The following UGGT2 variants were observed in gnomAD, a reference collection of about 807,000 sequenced individuals.
UGGT2 encodes UDP-glucose glycoprotein glucosyltransferase 2.
UGGT2 carries 180 observed loss-of-function variants against 192.1 expected under a neutral mutation model. The observed-to-expected ratio is 0.94, with a 90% CI of 0.83 to 1.06. The LOEUF is 1.06. UGGT2 is among the 50% of genes least tolerant of loss of function. The pLI is 0.00. For missense variants in UGGT2, 1,849 were observed against 1,795.7 expected, an observed-to-expected ratio of 1.03 and a Z score of -0.54; for synonymous variants, 580 against 591.0, an observed-to-expected ratio of 0.98 and a Z score of 0.27.
Position 95,970,185 on chromosome 13 carries a change from C to T in UGGT2, c.1262G>A (p.Ser421Asn). 1.2e-6 allele frequency: 2 copies of T among 1,612,422 alleles called. No homozygotes were observed. The highest frequency in any genetic ancestry group is 1.7e-6 in the Non-Finnish European group (2 of 1,178,776). ...RNLGINGEDM[S>N]KFLKLNSHIW... is the part of the protein sequence containing the mutation. ...GTGTGAATTTAATTTTAAAAATTTG[C>T]TCATATCTTCCCCATTGATCCCAAG... Residue 421 changes from serine (S) to asparagine (N), a missense_variant, in exon 12 of 39, where the codon AGC becomes AAC. Transcript: ENST00000376747.
At chr13:95,826,857 T>G (rs767115627) in intron 38 of UGGT2, among the ~76,000 whole-genome samples, 16 of 150,958 alleles carry the variant, frequency 1.1e-4, no homozygotes, top group Non-Finnish European at 1.9e-4. Flanking sequence ...TTCTAAGGCT[T>G]GTATGGAAAA....
chr13:95,982,790 A>G (rs549497720), intron 10 of UGGT2, among the ~76,000 whole-genome samples: 4 of 152,338 alleles, frequency 2.6e-5, no homozygotes, highest in African/African-American at 4.8e-5. Flanking sequence ...AGAATGGACC[A>G]ATACCACAAA....
intron 5 of UGGT2, among the ~76,000 whole-genome samples, chr13:96,005,086 T>C (rs954829301): frequency 6.6e-6 from 1 of 152,098 alleles, no homozygotes; most frequent in East Asian, 1.9e-4. Flanking sequence ...AAAAATAAAC[T>C]TGAAAAGATA....
intron 36 of UGGT2, among the ~76,000 whole-genome samples, chr13:95,847,518 CT>C (rs1299582223): frequency 6.6e-6 from 1 of 152,206 alleles, no homozygotes. Context: ...CATAGTTTTG[CT>C]TTTTTCCAGA....
At chr13:95,861,318 G>T (rs556577990) in intron 31 of UGGT2, among the ~76,000 whole-genome samples, 1 of 152,158 alleles carries the variant, frequency 6.6e-6, no homozygotes, top group East Asian at 1.9e-4. Flanking sequence ...TGCTGATGGG[G>T]CTCATCCAGG....
chr13:95,959,447 G>A (rs2050318730), intron 12 of UGGT2, among the ~76,000 whole-genome samples: 1 of 152,124 alleles, frequency 6.6e-6, no homozygotes, highest in Non-Finnish European at 1.5e-5. Flanking sequence ...ACCATAGCCA[G>A]AGCCTGAATG....
At chr13:96,039,546 C>T (rs1222774220) in intron 1 of UGGT2, among the ~76,000 whole-genome samples, 1 of 152,200 alleles carries the variant, frequency 6.6e-6, no homozygotes, top group Non-Finnish European at 1.5e-5. Context: ...ACATTCCCAA[C>T]ACTGAGTTTC....
chr13:95,895,366 A>ATGTT, intron 22 of UGGT2, 62 bp from the exon 23 acceptor site: 1 of 1,029,628 alleles, frequency 9.7e-7, no homozygotes, highest in Non-Finnish European at 1.3e-6. Flanking sequence ...TAGGAAAAAC[A>ATGTT]TTTCCTCATC....
intron 1 of UGGT2, among the ~76,000 whole-genome samples, chr13:96,052,158 G>C (rs920437520): frequency 6.6e-6 from 1 of 152,174 alleles, no homozygotes; most frequent in Non-Finnish European, 1.5e-5. Context: ...TCAATTAATG[G>C]CATTCACAGC....
intron 12 of UGGT2, among the ~76,000 whole-genome samples, chr13:95,958,509 A>G (rs952298850): frequency 3.9e-5 from 6 of 152,090 alleles, no homozygotes; most frequent in African/African-American, 1.4e-4. Context: ...TAACTATAAT[A>G]ACTGAGATGC....
At position 96,023,625 on chromosome 13, in the gene UGGT2, G is replaced by C; in HGVS notation, c.372+4C>G. The C allele has an allele frequency of 6.2e-7, 1 of 1,600,826 alleles. No individual in the cohort carries two copies. Among genetic ancestry groups the C allele is most frequent in the Non-Finnish European group, 8.5e-7 (1 of 1,172,986 alleles). On this transcript the variant is annotated splice_donor_region_variant and intron_variant, in intron 3 of 38. Coordinates refer to ENST00000376747, the MANE Select transcript of UGGT2 (RefSeq NM_020121.4). ...TCAAATACAGATTGGGTATTTTTAC[G>C]CACCTGCTGAAACATCTGAATAGCT...
intron 20 of UGGT2, among the ~76,000 whole-genome samples, chr13:95,921,678 T>C (rs1450384494): frequency 2.6e-5 from 4 of 151,820 alleles, no homozygotes; most frequent in African/African-American, 9.7e-5. Context: ...CATGAAAAAA[T>C]GCTCAGTATC....
At chr13:95,925,478 T>C (rs1232259191) in intron 20 of UGGT2, among the ~76,000 whole-genome samples, 1 of 152,180 alleles carries the variant, frequency 6.6e-6, no homozygotes, top group Non-Finnish European at 1.5e-5. Context: ...AGAGAATATA[T>C]GTCACGAGTC....
At chr13:95,872,543 CTTT>C (rs1448198301) in intron 29 of UGGT2, among the ~76,000 whole-genome samples, 1 of 151,970 alleles carries the variant, frequency 6.6e-6, no homozygotes, top group African/African-American at 2.4e-5. Context: ...CCTCGTTAGA[CTTT>C]TTATTACACA....
intron 7 of UGGT2, among the ~76,000 whole-genome samples, chr13:95,994,841 TG>T (rs1373114941): frequency 1.3e-5 from 2 of 152,090 alleles, no homozygotes; most frequent in African/African-American, 4.8e-5. Flanking sequence ...TGTTGCCTTA[TG>T]TTTGTTGTTT....
At chr13:95,866,101 G>A (rs1890630932) in intron 30 of UGGT2, among the ~76,000 whole-genome samples, 1 of 151,678 alleles carries the variant, frequency 6.6e-6, no homozygotes, top group Non-Finnish European at 1.5e-5. Context: ...ATTGCATTTG[G>A]TATACTTTTT....
intron 1 of UGGT2, 73 bp downstream of exon 1, chr13:96,053,082 A>G (rs1286279506): frequency 7.2e-6 from 10 of 1,397,144 alleles, no homozygotes; most frequent in Non-Finnish European, 7.4e-6. Context: ...ACCCGCTGCG[A>G]GCACGAAGAA....
At chr13:95,953,937 A>C (rs1201956653) in intron 12 of UGGT2, among the ~76,000 whole-genome samples, 1 of 152,198 alleles carries the variant, frequency 6.6e-6, no homozygotes, top group Non-Finnish European at 1.5e-5. Context: ...TGTTTGTGAG[A>C]GTCCCTAAGC....
chr13:95,890,364 C>T (rs1194497619), intron 25 of UGGT2, among the ~76,000 whole-genome samples: 1 of 152,034 alleles, frequency 6.6e-6, no homozygotes, highest in Non-Finnish European at 1.5e-5. Context: ...CTGGGAATTC[C>T]AAGATCAAGA....
Sources: allele counts gnomAD v4.1 joint callset (sites outside exome capture counted in the v4.1 genomes callset), GRCh38; gene constraint gnomAD v4.1.1; transcripts MANE v1.5; gene names NCBI Gene and HGNC (gene_info 2026-07-23, HGNC 2026-07-21).